Variants in UGT1A7 observed in about 807,000 individuals in gnomAD.
UGT1A7 encodes the protein UDP glucuronosyltransferase family 1 member A7, also known as UDP-glucuronosyltransferase 1A7.
UGT1A7 carries 33 observed loss-of-function variants against 45.6 expected under a neutral mutation model. That is an observed-to-expected ratio of 0.72 (90% CI 0.55 to 0.97). The LOEUF (loss-of-function observed/expected upper bound fraction) is 0.97. UGT1A7 is among the 50% of genes least tolerant of loss of function. The pLI is 0.00. For synonymous variants in UGT1A7, 274 were observed against 250.6 expected (o/e 1.09, Z -0.88); for missense variants, 684 against 666.2 (o/e 1.03, Z -0.29).
intron 1 of UGT1A7, among the ~76,000 whole-genome samples, chr2:233,723,213 CTTT>C (rs201420005): frequency 5.6e-5 from 5 of 88,866 alleles, no homozygotes; most frequent in Admixed American, 3.3e-4. Flanking sequence ...TCAAAACTGA[CTTT>C]TTTTTTTTTT....
chr2:233,725,665 A>G (rs933805382), intron 1 of UGT1A7, among the ~76,000 whole-genome samples: 6 of 152,202 alleles, frequency 3.9e-5, no homozygotes, highest in Admixed American at 3.9e-4. Context: ...TCAATTTGGA[A>G]TAGTCACATT....
intron 1 of UGT1A7, chr2:233,754,643 CTCAA>C (rs886471187): frequency 6.7e-6 from 3 of 449,160 alleles, no homozygotes; most frequent in Non-Finnish European, 8.9e-6. Context: ...CTTGGCCATT[CTCAA>C]TGATTCTCTT....
chr2:233,755,038 C>A (rs751084795), intron 1 of UGT1A7: 1 of 1,320,112 alleles, frequency 7.6e-7, no homozygotes, highest in South Asian at 1.1e-5. Flanking sequence ...CTGCCGCCTG[C>A]GCAGCCGCCC....
intron 1 of UGT1A7, among the ~76,000 whole-genome samples, chr2:233,759,599 A>C (rs759174): frequency 0.51 from 55,428 of 108,528 alleles, 10,119 homozygotes; most frequent in African/African-American, 0.62. Flanking sequence ...CCCACCCCCG[A>C]CCCGCCCCAC....
Position 233,768,248 on chromosome 2 carries a change from C to A in UGT1A7, c.1104C>A (p.Thr368=). The change falls in exon 4 of 5, where the codon ACC becomes ACA. Residue 368 remains threonine, a synonymous_variant. Transcript: ENST00000373426. ...LGHPMTRAFI[T]HAGSHGVYES... is the part of the protein sequence containing the mutation. Reference sequence around the variant, plus strand: ...ACCCGATGACCCGTGCCTTTATCACCCATGCTGGTTCCCATGGTGTTTATG... The same window carrying A: ...ACCCGATGACCCGTGCCTTTATCACACATGCTGGTTCCCATGGTGTTTATG... 1 of 1,614,138 alleles carries A rather than the reference C, an allele frequency of 6.2e-7. No homozygotes were observed. The highest frequency in any genetic ancestry group is 1.1e-5 in the South Asian group (1 of 91,084).
At chr2:233,715,915 T>G (rs2076477324) in intron 1 of UGT1A7, among the ~76,000 whole-genome samples, 1 of 152,210 alleles carries the variant, frequency 6.6e-6, no homozygotes, top group Admixed American at 6.5e-5. Context: ...GGAGGATCAT[T>G]GAGCTCAGGA....
intron 1 of UGT1A7, among the ~76,000 whole-genome samples, chr2:233,727,384 C>T (rs1032238584): frequency 4.6e-5 from 7 of 152,144 alleles, no homozygotes; most frequent in Admixed American, 1.3e-4. Flanking sequence ...TGGAGTACCA[C>T]CGTCTTCCAA....
chr2:233,748,218 T>C (rs1484955806), intron 1 of UGT1A7: 56 of 1,469,990 alleles, frequency 3.8e-5, no homozygotes, highest in Admixed American at 8.3e-5. Context: ...TTCAGTGAGA[T>C]AAACTGTTAA....
intron 1 of UGT1A7, among the ~76,000 whole-genome samples, chr2:233,724,966 G>A (rs1480944004): frequency 1.5e-5 from 2 of 135,640 alleles, no homozygotes; most frequent in South Asian, 2.5e-4. Flanking sequence ...GGAGGCCGAG[G>A]TTGGCGGATC....
chr2:233,746,487 A>G (rs758052145), intron 1 of UGT1A7, among the ~76,000 whole-genome samples: 10 of 151,792 alleles, frequency 6.6e-5, no homozygotes, highest in Middle Eastern at 3.2e-3. Context: ...TTCCATGGAC[A>G]TGTCACTCTT....
In UGT1A7 at chr2:233,719,505, G is replaced by T. The variant is rs1559364966; in HGVS notation, c.855+36713G>T. ...GTCCTACATTTGCCATACTTTTTCT[G>T]CCCCTTATGCAAGTCTTGCCTCTGA... On this transcript the variant is annotated intron_variant, in intron 1 of 4. Transcript: ENST00000373426. The T allele has an allele frequency of 1.9e-6, 3 of 1,613,876 alleles. No individual in the cohort carries two copies. Among genetic ancestry groups the T allele is most frequent in the Non-Finnish European group, 2.5e-6 (3 of 1,179,860 alleles).
At chr2:233,713,759 G>C (rs752103750) in intron 1 of UGT1A7, 10 of 1,613,990 alleles carry the variant, frequency 6.2e-6, no homozygotes, top group Non-Finnish European at 3.4e-6. Context: ...CTGTGTGGCT[G>C]TTCCGAGGGG....
chr2:233,737,590 T>C (rs2078898142), intron 1 of UGT1A7, among the ~76,000 whole-genome samples: 1 of 152,212 alleles, frequency 6.6e-6, no homozygotes, highest in Non-Finnish European at 1.5e-5. Context: ...CCCAATGAGA[T>C]GAACCAGGTA....
At chr2:233,715,615 T>C (rs1446871152) in intron 1 of UGT1A7, among the ~76,000 whole-genome samples, 1 of 151,806 alleles carries the variant, frequency 6.6e-6, no homozygotes, top group Non-Finnish European at 1.5e-5. Flanking sequence ...CTACAAAAAA[T>C]TAAAAAATTA....
chr2:233,732,557 T>C (rs1353780891), intron 1 of UGT1A7, among the ~76,000 whole-genome samples: 4 of 152,228 alleles, frequency 2.6e-5, no homozygotes, highest in Non-Finnish European at 5.9e-5. Flanking sequence ...ATTTATTAAA[T>C]AAGGAATCCT....
chr2:233,763,837 A>G (rs1269995830), intron 1 of UGT1A7, among the ~76,000 whole-genome samples: 1 of 152,238 alleles, frequency 6.6e-6, no homozygotes, highest in Non-Finnish European at 1.5e-5. Context: ...CTGCCAGGGT[A>G]AGATAGCAGT....
intron 1 of UGT1A7, among the ~76,000 whole-genome samples, chr2:233,730,180 A>C (rs1264603007): frequency 3.9e-5 from 6 of 152,190 alleles, no homozygotes; most frequent in South Asian, 2.1e-4. Flanking sequence ...TCAGGTTTTA[A>C]ATGGTCACTG....
Position 233,769,695 on chromosome 2 carries a change from A to G in UGT1A7, c.1295+1256A>G, listed in dbSNP as rs1699919505. ...AATGTGTGTGTGGTGGCACTGGATA[A>G]AAGATCAATGTTGGCTAGGCACCAT... On this transcript the variant is annotated intron_variant, in intron 4 of 4. Transcript: ENST00000373426. The surrounding 1 kb of genome is among the most constrained non-coding windows in gnomAD (Gnocchi z 4.4). The G allele has an allele frequency of 6.5e-7, 1 of 1,540,004 alleles. No individual in the cohort carries two copies. Among genetic ancestry groups the G allele is most frequent in the South Asian group, 1.2e-5 (1 of 81,286 alleles).
chr2:233,693,452 G>T, intron 1 of UGT1A7: 1 of 1,614,126 alleles, frequency 6.2e-7, no homozygotes, highest in Non-Finnish European at 8.5e-7. Flanking sequence ...TCTTTTCACA[G>T]ACCCAGCCTT....
Sources: gnomAD v4.1 joint callset for allele counts (sites outside exome capture counted in the v4.1 genomes callset) on GRCh38, gnomAD v4.1.1 for gene constraint, Gnocchi (gnomAD v3.1) non-coding constraint, MANE v1.5 for transcripts, NCBI Gene and HGNC (gene_info 2026-07-23, HGNC 2026-07-21) for gene names.